Variants in DCT observed in about 807,000 individuals in gnomAD.
DCT encodes dopachrome tautomerase, also known as L-dopachrome tautomerase.
In DCT, 47 loss-of-function variants were observed where a neutral mutation model predicts 53.0. That is an observed-to-expected ratio of 0.89 (90% confidence interval 0.70 to 1.13). The LOEUF (loss-of-function observed/expected upper bound fraction) is 1.13. Among genes scored for constraint, DCT ranks in the 50% most tolerant of loss-of-function variants. The pLI is 0.00. For synonymous variants in DCT, 244 were observed against 237.0 expected (o/e 1.03, Z -0.27); for missense variants, 669 against 637.4 (o/e 1.05, Z -0.53).
chr13:94,528,818 A>AG, the DCT span, among the ~76,000 whole-genome samples: 2 of 124,840 alleles, frequency 1.6e-5, no homozygotes, highest in African/African-American at 6.7e-5. Context: ...AAATGGGCTA[A>AG]AGCCCCAATT....
chr13:94,515,559 T>C, the DCT span, among the ~76,000 whole-genome samples: 46 of 152,216 alleles, frequency 3.0e-4, no homozygotes, highest in Non-Finnish European at 2.2e-4. Flanking sequence ...CAAGCTGCTA[T>C]GTGTATTCCA....
chr13:94,508,151 C>G, the DCT span, among the ~76,000 whole-genome samples: 3 of 152,238 alleles, frequency 2.0e-5, no homozygotes, highest in African/African-American at 7.2e-5. Flanking sequence ...TAGAAACTGT[C>G]TATCATTGCC....
chr13:94,441,339 T>C (rs1882297571), intron 7 of DCT, among the ~76,000 whole-genome samples: 1 of 152,238 alleles, frequency 6.6e-6, no homozygotes, highest in African/African-American at 2.4e-5. Context: ...TAAAAAATTA[T>C]GTTTTAGAAA....
At chr13:94,496,476 G>A in the DCT span, among the ~76,000 whole-genome samples, 991 of 152,218 alleles carry the variant, frequency 6.5e-3, 14 homozygotes, top group African/African-American at 0.022. Flanking sequence ...TTACAGGCAT[G>A]AGCCACCGCA....
At chr13:94,518,121 G>GGAAC in the DCT span, among the ~76,000 whole-genome samples, 2 of 115,110 alleles carry the variant, frequency 1.7e-5, no homozygotes, top group Admixed American at 1.6e-4. Flanking sequence ...AAGGAAGGAA[G>GGAAC]GAAGGAAGGA....
At chr13:94,480,897 A>C (rs1594335158), upstream of DCT, among the ~76,000 whole-genome samples, 1 of 152,222 alleles carries the variant, frequency 6.6e-6, no homozygotes, top group East Asian at 1.9e-4. Context: ...AATGACCACA[A>C]ACTGGATGAC....
chr13:94,519,825 T>G, the DCT span, among the ~76,000 whole-genome samples: 7,302 of 152,252 alleles, frequency 0.048, 278 homozygotes, highest in African/African-American at 0.11. Flanking sequence ...CAGGTAGTAG[T>G]AGAACCAAGA....
chr13:94,441,512 T>C (rs1315638603), intron 7 of DCT, among the ~76,000 whole-genome samples: 1 of 152,146 alleles, frequency 6.6e-6, no homozygotes, highest in African/African-American at 2.4e-5. Flanking sequence ...CACCAAACAG[T>C]AACTCCCTAT....
At chr13:94,542,437 C>T in the DCT span, among the ~76,000 whole-genome samples, 11 of 152,228 alleles carry the variant, frequency 7.2e-5, no homozygotes, top group Admixed American at 1.3e-4. Context: ...GTGATCCGCC[C>T]GCCTCGGCCT....
chr13:94,508,244 T>G, the DCT span, among the ~76,000 whole-genome samples: 2 of 152,258 alleles, frequency 1.3e-5, no homozygotes, highest in Non-Finnish European at 2.9e-5. Flanking sequence ...TTATTTATTT[T>G]ATTCCTTCAA....
intron 6 of DCT, among the ~76,000 whole-genome samples, chr13:94,450,972 T>C (rs1883041243): frequency 6.6e-6 from 1 of 152,204 alleles, no homozygotes; most frequent in African/African-American, 2.4e-5. Context: ...CTTCTCAATA[T>C]AGTATGCATT....
the DCT span, among the ~76,000 whole-genome samples, chr13:94,514,179 G>T: frequency 6.6e-6 from 1 of 151,970 alleles, no homozygotes; most frequent in South Asian, 2.1e-4. Context: ...CTACTGTGCC[G>T]GGAACATCAC....
upstream of DCT, among the ~76,000 whole-genome samples, chr13:94,483,138 G>T (rs1345974801): frequency 1.3e-5 from 2 of 151,266 alleles, no homozygotes; most frequent in Non-Finnish European, 2.9e-5. Flanking sequence ...GCTGGGCATG[G>T]TGACATGCAC....
chr13:94,443,286 T>C (rs1478444133), intron 7 of DCT, 150 bp downstream of exon 7: 7 of 631,638 alleles, frequency 1.1e-5, no homozygotes, highest in Admixed American at 2.9e-5. Flanking sequence ...TTTTGCTAAA[T>C]ACGTATATGC....
the DCT span, among the ~76,000 whole-genome samples, chr13:94,502,402 C>G: frequency 6.6e-6 from 1 of 152,212 alleles, no homozygotes; most frequent in African/African-American, 2.4e-5. Context: ...GGACCTTCCT[C>G]CAGCAGGTAT....
At chr13:94,510,881 G>C in the DCT span, among the ~76,000 whole-genome samples, 2 of 152,154 alleles carry the variant, frequency 1.3e-5, no homozygotes, top group Non-Finnish European at 2.9e-5. Context: ...CTAGACAAAA[G>C]CCTGCAATTC....
chr13:94,442,457 C>T (rs1384392227), intron 7 of DCT, among the ~76,000 whole-genome samples: 1 of 152,088 alleles, frequency 6.6e-6, no homozygotes, highest in Non-Finnish European at 1.5e-5. Flanking sequence ...CAGGCATGCA[C>T]CACTATGCCC....
chr13:94,449,647 G>T (rs1399766744), intron 6 of DCT, among the ~76,000 whole-genome samples: 1 of 152,178 alleles, frequency 6.6e-6, no homozygotes, highest in Non-Finnish European at 1.5e-5. Flanking sequence ...AAAGTAGAAG[G>T]TATACATTAA....
At chr13:94,469,077 G>A (rs1329563170) in intron 1 of DCT, 32 bp from the exon 2 acceptor site, 5 of 1,570,250 alleles carry the variant, frequency 3.2e-6, no homozygotes, top group Non-Finnish European at 4.4e-6. Context: ...TGGAAAGGAA[G>A]GGGGTTTATG....
Sources: gnomAD v4.1 joint callset for allele counts (sites outside exome capture counted in the v4.1 genomes callset) on GRCh38, gnomAD v4.1.1 for gene constraint, MANE v1.5 for transcripts, NCBI Gene and HGNC (gene_info 2026-07-23, HGNC 2026-07-21) for gene names.